The following MTAP variants were observed in gnomAD, a reference collection of about 807,000 sequenced individuals.
MTAP encodes the protein methylthioadenosine phosphorylase.
A neutral mutation model predicts 33.6 loss-of-function variants in MTAP; 33 were observed. The observed-to-expected ratio is 0.98, with a 90% confidence interval of 0.74 to 1.31. MTAP has a LOEUF of 1.31. MTAP is among the 40% of genes most tolerant of loss of function. The pLI, the probability that MTAP is intolerant of heterozygous loss-of-function variation, is 0.00. For synonymous variants in MTAP, 148 were observed against 125.7 expected (o/e 1.18, Z -1.19); for missense variants, 367 against 360.0 (o/e 1.02, Z -0.16).
At chr9:21,808,384 A>G (rs1410471248) in intron 1 of MTAP, among the ~76,000 whole-genome samples, 1 of 151,748 alleles carries the variant, frequency 6.6e-6, no homozygotes, top group African/African-American at 2.4e-5. Flanking sequence ...CAGGCGTTCA[A>G]GACCAGCCTG....
At chr9:21,916,203 A>C (rs2131025299) in intron 1 of MTAP, among the ~76,000 whole-genome samples, 1 of 152,274 alleles carries the variant, frequency 6.6e-6, no homozygotes, top group Non-Finnish European at 1.5e-5. Flanking sequence ...GTATACCTGG[A>C]AACTGAATGT....
In MTAP at chr9:21,803,036, A is replaced by ACACACACACACACACACACACG. The variant is rs1020757334; in HGVS notation, c.33+256_33+257insACACACACACACACACACACGC. ...CACACACACACACACACACACACAC[A>ACACACACACACACACACACACG]CCACCTTTTGGCTTATCTGCACCCG... is the stretch of plus-strand genomic sequence containing the variant. On this transcript the variant is annotated intron_variant, in intron 1 of 7. Coordinates refer to ENST00000644715, the MANE Select transcript of MTAP (RefSeq NM_002451.4). 14 of 1,039,816 alleles carry ACACACACACACACACACACACG rather than the reference A, an allele frequency of 1.3e-5. No homozygotes were observed. The African/African-American group carries it at 2.6e-4, about 19-fold the overall frequency. 64.4% of individuals were successfully genotyped at this position (1,039,816 alleles called of 1,614,324 possible).
chr9:21,825,527 T>C (rs1249442537), intron 4 of MTAP, among the ~76,000 whole-genome samples: 1 of 152,188 alleles, frequency 6.6e-6, no homozygotes, highest in African/African-American at 2.4e-5. Context: ...ACACTTACTT[T>C]GTTTTGTCAT....
chr9:21,880,539 AAACAAGCTC>A (rs1391890737), intron 1 of MTAP, among the ~76,000 whole-genome samples: 4 of 152,130 alleles, frequency 2.6e-5, no homozygotes, highest in Non-Finnish European at 5.9e-5. Flanking sequence ...TAGAACTAAT[AAACAAGCTC>A]AGCAAGGTTG....
intron 4 of MTAP, among the ~76,000 whole-genome samples, chr9:21,826,025 G>A (rs183311841): frequency 4.6e-4 from 70 of 151,846 alleles, no homozygotes; most frequent in African/African-American, 1.4e-3. Context: ...GTTTCCTTAC[G>A]TATTTTGGGT....
At chr9:21,878,758 C>G (rs1024347198) in intron 1 of MTAP, among the ~76,000 whole-genome samples, 1 of 152,168 alleles carries the variant, frequency 6.6e-6, no homozygotes, top group Non-Finnish European at 1.5e-5. Flanking sequence ...AGTTGTATCT[C>G]TGTTCTCATT....
chr9:21,917,660 C>T (rs1275327618), intron 1 of MTAP, among the ~76,000 whole-genome samples: 2 of 152,044 alleles, frequency 1.3e-5, no homozygotes, highest in African/African-American at 4.8e-5. Flanking sequence ...AAATTAGTAC[C>T]ACCACTATAG....
chr9:21,902,956 C>T (rs1050589804), intron 1 of MTAP, among the ~76,000 whole-genome samples: 2 of 152,184 alleles, frequency 1.3e-5, no homozygotes, highest in South Asian at 4.2e-4. Context: ...GAAATTCCCA[C>T]CAAAATGTAA....
At chr9:21,816,471 G>C (rs948662039) in intron 2 of MTAP, among the ~76,000 whole-genome samples, 6 of 152,158 alleles carry the variant, frequency 3.9e-5, no homozygotes, top group African/African-American at 1.4e-4. Context: ...GTTACAAATA[G>C]ATCTGACTAA....
At chr9:21,912,635 AAAT>A (rs1486107990) in intron 1 of MTAP, among the ~76,000 whole-genome samples, 10 of 152,218 alleles carry the variant, frequency 6.6e-5, no homozygotes, top group African/African-American at 2.2e-4. Flanking sequence ...ATGTATCTCA[AAAT>A]AATAAGAGCT....
At chr9:21,816,856 G>A (rs1824488439) in intron 3 of MTAP, 84 bp downstream of exon 3, 3 of 1,157,100 alleles carry the variant, frequency 2.6e-6, no homozygotes, top group Non-Finnish European at 3.7e-6. Context: ...AAAGATACAG[G>A]TCTGAGCTTT....
At chr9:21,877,113 T>C (rs1826023095) in intron 1 of MTAP, among the ~76,000 whole-genome samples, 1 of 152,128 alleles carries the variant, frequency 6.6e-6, no homozygotes, top group African/African-American at 2.4e-5. Context: ...TTTATTCTTC[T>C]TGTGGCAGTT....
chr9:21,909,848 T>C (rs1038140177), intron 1 of MTAP, among the ~76,000 whole-genome samples: 1 of 152,138 alleles, frequency 6.6e-6, no homozygotes, highest in Non-Finnish European at 1.5e-5. Context: ...ATGAGAAAAC[T>C]AAAGCTCGGG....
intron 1 of MTAP, among the ~76,000 whole-genome samples, chr9:21,915,010 TCC>T (rs1818655534): frequency 1.7e-4 from 13 of 74,468 alleles, no homozygotes; most frequent in African/African-American, 9.8e-4. Context: ...TTTCCTTCCT[TCC>T]TTCCTTCCTT....
intron 4 of MTAP, among the ~76,000 whole-genome samples, chr9:21,832,821 T>G (rs979191569): frequency 2.0e-5 from 3 of 152,216 alleles, no homozygotes; most frequent in African/African-American, 7.2e-5. Context: ...CAGTTTATAC[T>G]TGAAGAAACT....
chr9:21,855,119 C>G lies in MTAP; in HGVS notation c.690+249C>G, dbSNP rs75725285. ...GCAGGTAGATGTGTTGAGAATCATA[C>G]TAAGACTTGGGCCTTATTTTCAGGA... is the stretch of plus-strand genomic sequence containing the variant. On this transcript the variant is annotated intron_variant, in intron 6 of 7. Transcript: ENST00000644715. Among the ~76,000 whole-genome samples, 34 of 152,294 alleles carry G rather than the reference C, an allele frequency of 2.2e-4. 1 individual carries two copies. The East Asian group carries it at 6.6e-3, about 29-fold the overall frequency.
At chr9:21,913,832 A>G (rs1047276203) in intron 1 of MTAP, among the ~76,000 whole-genome samples, 1 of 152,210 alleles carries the variant, frequency 6.6e-6, no homozygotes, top group African/African-American at 2.4e-5. Context: ...ACCAACCTAC[A>G]GTGAACAGGC....
At chr9:21,938,863 A>G (rs965274290), downstream of MTAP, among the ~76,000 whole-genome samples, 3 of 152,356 alleles carry the variant, frequency 2.0e-5, no homozygotes, top group East Asian at 1.9e-4. Flanking sequence ...ATTGGACTGC[A>G]TAAGAATTTC....
intron 4 of MTAP, among the ~76,000 whole-genome samples, chr9:21,819,265 T>G (rs1211277435): frequency 6.6e-6 from 1 of 152,156 alleles, no homozygotes; most frequent in African/African-American, 2.4e-5. Context: ...ACATTGGGTA[T>G]ATCTCCTGAT....
Sources: allele counts gnomAD v4.1 joint callset (sites outside exome capture counted in the v4.1 genomes callset), GRCh38; gene constraint gnomAD v4.1.1; transcripts MANE v1.5; gene names NCBI Gene and HGNC (gene_info 2026-07-23, HGNC 2026-07-21).